The following CA2 variants were observed in gnomAD, a reference collection of about 807,000 sequenced individuals.
CA2 encodes the protein carbonic anhydrase 2.
Under a neutral mutation model 27.8 loss-of-function variants are expected in CA2, and 23 were observed. The observed-to-expected ratio is 0.83, with a 90% CI of 0.59 to 1.17. CA2 has a LOEUF of 1.17. Among genes scored for constraint, CA2 ranks in the 50% most tolerant of loss-of-function variants. CA2 has a pLI of 0.00. For synonymous variants in CA2, 99 were observed against 114.9 expected (o/e 0.86, Z 0.88); for missense variants, 300 against 314.7 (o/e 0.95, Z 0.35).
chr8:85,469,329 T>C (rs575108082), intron 2 of CA2, among the ~76,000 whole-genome samples: 1 of 152,328 alleles, frequency 6.6e-6, no homozygotes, highest in South Asian at 2.1e-4. Flanking sequence ...CAATATGCTT[T>C]AAATGTTCTC....
Position 85,480,873 on chromosome 8 carries a change from C to G in CA2, c.*84C>G. The G allele has an allele frequency of 6.8e-7, 1 of 1,476,456 alleles. No homozygotes were observed. Among genetic ancestry groups the G allele is most frequent in the Non-Finnish European group, 9.4e-7 (1 of 1,061,764 alleles). 91.5% of individuals were successfully genotyped at this position (1,476,456 alleles called of 1,614,324 possible). ...CACAGATCTACCTTGGTGATTTGGA[C>G]CCTGGTTGCTTTGTGTCTAGTTTTC... is the stretch of plus-strand genomic sequence containing the variant. On this transcript the variant is annotated 3_prime_UTR_variant, in exon 7 of 7. Coordinates refer to ENST00000285379, the MANE Select transcript of CA2 (RefSeq NM_000067.3).
In CA2 at chr8:85,474,395, C is replaced by T. The variant is rs369106031; in HGVS notation, c.423C>T (p.Ala141=). The T allele has an allele frequency of 1.4e-5, 22 of 1,613,578 alleles. No homozygotes were observed. Among genetic ancestry groups the T allele is most frequent in the South Asian group, 1.1e-4 (10 of 91,078 alleles). ...CTGTGCAGCAACCTGATGGACTGGCCGTTCTAGGTATTTTTTTGAAGGTTA... is the reference window on the plus strand; with the variant it reads ...CTGTGCAGCAACCTGATGGACTGGCTGTTCTAGGTATTTTTTTGAAGGTTA... ...GKAVQQPDGL[A]VLGIFLKVGS... The change falls in exon 4 of 7, where the codon GCC becomes GCT. Residue 141 remains alanine (A), a synonymous_variant. Transcript: ENST00000285379.
intron 6 of CA2, among the ~76,000 whole-genome samples, chr8:85,479,093 C>T (rs1201975044): frequency 3.3e-5 from 5 of 150,014 alleles, no homozygotes; most frequent in Admixed American, 2.7e-4. Context: ...GGGCGGATGT[C>T]TGTTAATGAG....
intron 5 of CA2, 134 bp from the exon 6 acceptor site, chr8:85,476,986 A>G (rs575737557): frequency 6.3e-6 from 5 of 792,864 alleles, no homozygotes; most frequent in African/African-American, 5.1e-5. Flanking sequence ...TTTGCCAGTG[A>G]ATATAGAACC....
chr8:85,465,569 C>A, intron 2 of CA2, 100 bp downstream of exon 2: 1 of 921,790 alleles, frequency 1.1e-6, no homozygotes, highest in Non-Finnish European at 1.7e-6. Context: ...CTTAATAATA[C>A]AGTTTGTCTC....
At chr8:85,479,555 T>A (rs903100746) in intron 6 of CA2, among the ~76,000 whole-genome samples, 16 of 152,094 alleles carry the variant, frequency 1.1e-4, no homozygotes, top group African/African-American at 3.9e-4. Flanking sequence ...GATCACGTCT[T>A]GGTTAGAGGG....
chr8:85,466,127 TAAAAA>T (rs10573662), intron 2 of CA2, among the ~76,000 whole-genome samples: 2 of 135,620 alleles, frequency 1.5e-5, no homozygotes, highest in Non-Finnish European at 3.1e-5. Flanking sequence ...ATGCTCACTG[TAAAAA>T]AAAAAAAAAA....
At chr8:85,480,597 A>C (rs990221440) in intron 6 of CA2, 73 bp from the exon 7 acceptor site, 21 of 1,480,788 alleles carry the variant, frequency 1.4e-5, no homozygotes, top group Non-Finnish European at 9.4e-7. Flanking sequence ...AATGTATTTA[A>C]AGATATAACA....
Position 85,474,390 on chromosome 8 carries a change from C to T in CA2, c.418C>T (p.Leu140=). 6.2e-7 allele frequency: 1 copy of T among 1,613,910 alleles called. No homozygotes were observed. The highest frequency in any genetic ancestry group is 8.5e-7 in the Non-Finnish European group (1 of 1,179,812). ...FGKAVQQPDG[L]AVLGIFLKVG... ...GAAAGCTGTGCAGCAACCTGATGGACTGGCCGTTCTAGGTATTTTTTTGAA... is the reference window on the plus strand; with the variant it reads ...GAAAGCTGTGCAGCAACCTGATGGATTGGCCGTTCTAGGTATTTTTTTGAA... Residue 140 remains leucine (L), a synonymous_variant, in exon 4 of 7, where the codon CTG becomes TTG. Coordinates refer to ENST00000285379, the MANE Select transcript of CA2 (RefSeq NM_000067.3).
At chr8:85,478,840 C>T (rs904489702) in intron 6 of CA2, among the ~76,000 whole-genome samples, 39 of 152,218 alleles carry the variant, frequency 2.6e-4, no homozygotes, top group Admixed American at 6.5e-5. Context: ...TGACTTCATC[C>T]TCAAGGTGGT....
chr8:85,474,223 T>A, intron 3 of CA2, 101 bp from the exon 4 acceptor site: 2 of 902,952 alleles, frequency 2.2e-6, no homozygotes, highest in Non-Finnish European at 3.7e-6. Flanking sequence ...ATATTTTCAA[T>A]TTCCTGAGTA....
intron 6 of CA2, 145 bp downstream of exon 6, chr8:85,477,420 G>C: frequency 1.1e-6 from 1 of 915,232 alleles, no homozygotes; most frequent in South Asian, 1.3e-5. Context: ...ATGGTGCCTA[G>C]CAAATAAACA....
chr8:85,477,544 C>CTT lies in CA2; in HGVS notation c.663+281_663+282dup, dbSNP rs11452517. Among the ~76,000 whole-genome samples, 4,597 of 146,496 alleles carry CTT rather than the reference C, an allele frequency of 0.031. 93 individuals carry two copies. The highest frequency in any genetic ancestry group is 0.043 in the Non-Finnish European group (2,853 of 66,486). ...AAGATGTCTGTCACCTAATAAATGC[C>CTT]TTTTTTTTTTTTTGCCAGTTATGAG... On this transcript the variant is annotated intron_variant, in intron 6 of 6. Coordinates refer to ENST00000285379, the MANE Select transcript of CA2 (RefSeq NM_000067.3).
rs1236476348 is a variant in CA2 at position 85,464,902 on chromosome 8, G to C, written c.35-370G>C. ...ATCCAGACCTCCTTGAATGTCTTAA[G>C]TGAGCTTGCATATCCCAAAATCGCA... is the stretch of plus-strand genomic sequence containing the variant. On this transcript the variant is annotated intron_variant, in intron 1 of 6. Coordinates refer to ENST00000285379, the MANE Select transcript of CA2 (RefSeq NM_000067.3). 16 of 253,174 alleles carry C rather than the reference G, an allele frequency of 6.3e-5. No homozygotes were observed. The Admixed American group carries it at 7.5e-4, about 12-fold the overall frequency. 15.7% of individuals were successfully genotyped at this position (253,174 alleles called of 1,614,324 possible).
At chr8:85,472,289 G>C (rs1309988085) in intron 2 of CA2, among the ~76,000 whole-genome samples, 1 of 152,006 alleles carries the variant, frequency 6.6e-6, no homozygotes, top group Non-Finnish European at 1.5e-5. Context: ...TTAATTCCCA[G>C]TACTAGAAAA....
rs568141868 is a variant in CA2, at chr8:85,469,926, A to G, written c.233-3767A>G. On this transcript the variant is annotated intron_variant, in intron 2 of 6. Transcript: ENST00000285379. The stretch of plus-strand genomic sequence containing the variant: ...CATGGATCCTGCTTGACTTTCAGGG[A>G]CTTGCTTTTGAAGCTCTAAAAGTTT... 9.2e-5 allele frequency among the ~76,000 whole-genome samples: 14 copies of G among 152,250 alleles called. No individual in the cohort carries two copies. The South Asian group carries it at 2.3e-3, about 25-fold the overall frequency.
At chr8:85,475,209 A>C (rs867664129) in intron 4 of CA2, among the ~76,000 whole-genome samples, 1 of 151,778 alleles carries the variant, frequency 6.6e-6, no homozygotes, top group South Asian at 2.1e-4. Flanking sequence ...CAAAACAAAA[A>C]CAAAAACACA....
At chr8:85,465,160 A>G (rs1275885725) in intron 1 of CA2, 112 bp from the exon 2 acceptor site, 1 of 820,182 alleles carries the variant, frequency 1.2e-6, no homozygotes, top group East Asian at 2.5e-5. Context: ...TTGTTAAGTG[A>G]TGCTTCTAAA....
chr8:85,472,070 CCA>C (rs1321878844), intron 2 of CA2, among the ~76,000 whole-genome samples: 1 of 152,124 alleles, frequency 6.6e-6, no homozygotes, highest in African/African-American at 2.4e-5. Context: ...CAGAAAGACC[CCA>C]CTGCTTAAAT....
Sources: gnomAD v4.1 joint callset for allele counts (sites outside exome capture counted in the v4.1 genomes callset) on GRCh38, gnomAD v4.1.1 for gene constraint, MANE v1.5 for transcripts, NCBI Gene and HGNC (gene_info 2026-07-23, HGNC 2026-07-21) for gene names.